Variants in SORCS3 observed in about 807,000 individuals in gnomAD.
SORCS3 encodes the protein VPS10 domain-containing receptor SorCS3.
SORCS3 carries 57 observed loss-of-function variants against 146.3 expected under a neutral mutation model. That is an observed-to-expected ratio of 0.39 (90% CI 0.31 to 0.49). The LOEUF (loss-of-function observed/expected upper bound fraction) is 0.49. Ranked by LOEUF, SORCS3 falls within the 20% of genes least tolerant of loss-of-function variation. The pLI is 0.92. For missense variants in SORCS3, 1,341 were observed against 1,575.5 expected (o/e 0.85, Z 2.52); for synonymous variants, 653 against 618.5 (o/e 1.06, Z -0.83).
chr10:105,094,996 C>T lies in SORCS3; in HGVS notation c.1093+5157C>T, dbSNP rs188165094. On this transcript the variant is annotated intron_variant, in intron 6 of 26. Transcript: ENST00000369701. ...ACCAAGCCATCTATGGCCATCCTTG[C>T]CTGTTTATAATGATAAAGCTTCATG... 2.0e-3 allele frequency among the ~76,000 whole-genome samples: 304 copies of T among 152,308 alleles called. 3 individuals carry two copies. Among genetic ancestry groups the T allele is most frequent in the African/African-American group, 6.8e-3 (284 of 41,574 alleles).
rs557515000 is a variant in SORCS3 at position 104,921,201 on chromosome 10, C to T, written c.795+5269C>T. Among the ~76,000 whole-genome samples the T allele has an allele frequency of 5.8e-4, 89 of 152,252 alleles. 3 individuals carry two copies. The South Asian group carries it at 0.018, about 30-fold the overall frequency. Reference sequence around the variant, plus strand: ...TGTCAGTTGTTTCTTGTCCTCAGGCCCATGCAGAATGGCAAGTGCCAAGGT... The same window carrying T: ...TGTCAGTTGTTTCTTGTCCTCAGGCTCATGCAGAATGGCAAGTGCCAAGGT... On this transcript the variant is annotated intron_variant, in intron 3 of 26. Coordinates refer to ENST00000369701, the MANE Select transcript of SORCS3 (RefSeq NM_014978.3).
At chr10:105,002,745 G>T (rs996848102) in intron 4 of SORCS3, among the ~76,000 whole-genome samples, 2 of 152,178 alleles carry the variant, frequency 1.3e-5, no homozygotes, top group African/African-American at 4.8e-5. Context: ...GTTGGCTCTG[G>T]AGTCAGAAGG....
Position 105,263,569 on chromosome 10 carries a change from A to G in SORCS3, c.*195A>G. Reference sequence around the variant, plus strand: ...GATTGAAATGAGACAAAGGGAATAAATGGCTGTATTTGTGCTAAGAGCAAA... The same window carrying G: ...GATTGAAATGAGACAAAGGGAATAAGTGGCTGTATTTGTGCTAAGAGCAAA... On this transcript the variant is annotated 3_prime_UTR_variant, in exon 27 of 27. Transcript: ENST00000369701. The G allele has an allele frequency of 1.7e-6, 1 of 574,162 alleles. No individual in the cohort carries two copies. The highest frequency in any genetic ancestry group is 3.1e-6 in the Non-Finnish European group (1 of 324,872). 35.6% of individuals were successfully genotyped at this position (574,162 alleles called of 1,614,324 possible).
At chr10:104,990,017 C>T (rs1329082104) in intron 4 of SORCS3, among the ~76,000 whole-genome samples, 1 of 152,210 alleles carries the variant, frequency 6.6e-6, no homozygotes, top group Non-Finnish European at 1.5e-5. Flanking sequence ...CTAGATATTT[C>T]TATTCTAGTG....
At chr10:104,816,787 T>C (rs532258794) in intron 1 of SORCS3, among the ~76,000 whole-genome samples, 19 of 152,322 alleles carry the variant, frequency 1.2e-4, no homozygotes, top group African/African-American at 4.3e-4. Flanking sequence ...AGCTGAATCA[T>C]TGGAAACAAA....
intron 5 of SORCS3, among the ~76,000 whole-genome samples, chr10:105,053,273 A>C (rs998078522): frequency 3.9e-5 from 6 of 152,070 alleles, no homozygotes; most frequent in African/African-American, 1.4e-4. Context: ...AGTCCATAGC[A>C]GGATGTAAAA....
At chr10:104,671,634 G>T (rs898066012) in intron 1 of SORCS3, among the ~76,000 whole-genome samples, 1 of 151,822 alleles carries the variant, frequency 6.6e-6, no homozygotes, top group Admixed American at 6.6e-5. Context: ...CACCATGCCT[G>T]GCTGGGGTAG....
At chr10:104,689,393 T>C (rs938980520) in intron 1 of SORCS3, among the ~76,000 whole-genome samples, 3 of 152,190 alleles carry the variant, frequency 2.0e-5, no homozygotes, top group African/African-American at 7.2e-5. Flanking sequence ...CATTCCACAA[T>C]GTGTGGACTT....
At position 105,129,336 on chromosome 10, in the gene SORCS3, T is replaced by C. The variant is rs7475759; in HGVS notation, c.1213-10061T>C. ...TCTTTTCTTTCTTTCTTTCTCTTTT[T>C]TTTTTTTTTTTTTTTTTTTTTACAA... On this transcript the variant is annotated intron_variant, in intron 7 of 26. Coordinates refer to ENST00000369701, the MANE Select transcript of SORCS3 (RefSeq NM_014978.3). Among the ~76,000 whole-genome samples the C allele has an allele frequency of 2.0e-3, 214 of 107,404 alleles. 4 individuals are homozygous for C. The highest frequency in any genetic ancestry group is 7.3e-3 in the South Asian group (28 of 3,816). 70.5% of individuals were successfully genotyped at this position (107,404 alleles called of 152,430 possible).
chr10:105,084,174 C>T (rs2055643682), intron 5 of SORCS3, among the ~76,000 whole-genome samples: 1 of 152,138 alleles, frequency 6.6e-6, no homozygotes, highest in Admixed American at 6.5e-5. Context: ...AGTGTACTCT[C>T]AATATCAATG....
At chr10:105,221,461 C>T (rs1369714289) in intron 19 of SORCS3, among the ~76,000 whole-genome samples, 1 of 152,148 alleles carries the variant, frequency 6.6e-6, no homozygotes, top group Non-Finnish European at 1.5e-5. Flanking sequence ...TAAACAACCA[C>T]ATAACACATT....
At chr10:105,164,953 T>C (rs1398475178) in intron 12 of SORCS3, among the ~76,000 whole-genome samples, 1 of 152,218 alleles carries the variant, frequency 6.6e-6, no homozygotes, top group African/African-American at 2.4e-5. Context: ...TGCTGTCCAA[T>C]AGAATGTTCA....
rs769151793 is a variant in SORCS3 at position 105,223,239 on chromosome 10, A to G, written c.2858A>G (p.Asn953Ser). 16 of 1,611,818 alleles carry G rather than the reference A, an allele frequency of 9.9e-6. No homozygotes were observed. The highest frequency in any genetic ancestry group is 6.7e-5 in the East Asian group (3 of 44,798). Residue 953 changes from asparagine to serine, a missense_variant, in exon 20 of 27, where the codon AAT (asparagine) becomes AGT (serine). By Grantham distance (46) the Asn-to-Ser change is conservative. Coordinates refer to ENST00000369701, the MANE Select transcript of SORCS3 (RefSeq NM_014978.3). The part of the protein sequence containing the change: ...GTLTYFWWFG[N>S]STKPLITLDS... Reference sequence around the variant, plus strand: ...CTTACCTATTTCTGGTGGTTCGGCAATAGCACAAAGGTTTGGCCCTTTCTG... The same window carrying G: ...CTTACCTATTTCTGGTGGTTCGGCAGTAGCACAAAGGTTTGGCCCTTTCTG...
intron 1 of SORCS3, among the ~76,000 whole-genome samples, chr10:104,753,685 T>C (rs2017014200): frequency 6.6e-6 from 1 of 152,224 alleles, no homozygotes; most frequent in Non-Finnish European, 1.5e-5. Flanking sequence ...CTAACTTTCA[T>C]TACCTTATAG....
intron 3 of SORCS3, among the ~76,000 whole-genome samples, chr10:104,920,750 C>T (rs910655414): frequency 1.1e-4 from 17 of 152,158 alleles, no homozygotes; most frequent in East Asian, 3.8e-4. Flanking sequence ...TTTCATCTAG[C>T]GGGTTTTATA....
chr10:105,054,803 C>T (rs982620163), intron 5 of SORCS3, among the ~76,000 whole-genome samples: 3 of 152,132 alleles, frequency 2.0e-5, no homozygotes, highest in Non-Finnish European at 4.4e-5. Context: ...TGGTTTATAA[C>T]ACAATAGAGT....
chr10:104,824,984 T>C (rs1021746195), intron 1 of SORCS3, among the ~76,000 whole-genome samples: 1 of 152,212 alleles, frequency 6.6e-6, no homozygotes, highest in Non-Finnish European at 1.5e-5. Context: ...GGACCTGTGA[T>C]CTTCCCATCG....
intron 2 of SORCS3, among the ~76,000 whole-genome samples, chr10:104,877,664 A>G (rs1441193313): frequency 1.3e-5 from 2 of 152,164 alleles, no homozygotes; most frequent in Non-Finnish European, 2.9e-5. Context: ...AAGGCCATTT[A>G]AGGGAATACC....
At chr10:104,858,138 G>A (rs2018355259) in intron 2 of SORCS3, among the ~76,000 whole-genome samples, 2 of 152,080 alleles carry the variant, frequency 1.3e-5, no homozygotes, top group South Asian at 4.1e-4. Context: ...AAATTCTTGT[G>A]TAATAATTTT....
Sources: allele counts gnomAD v4.1 joint callset (sites outside exome capture counted in the v4.1 genomes callset), GRCh38; gene constraint gnomAD v4.1.1; transcripts MANE v1.5; gene names NCBI Gene and HGNC (gene_info 2026-07-23, HGNC 2026-07-21).